Variants in PEX6 observed in about 807,000 individuals in gnomAD.
PEX6 encodes peroxisome biogenesis factor 6.
Under a neutral mutation model 85.6 loss-of-function variants are expected in PEX6, and 55 were observed. That is an observed-to-expected ratio of 0.64 (90% confidence interval 0.52 to 0.80). The LOEUF (loss-of-function observed/expected upper bound fraction) is 0.80, where lower values mean the gene tolerates loss of function less well. PEX6 is among the 30% of genes least tolerant of loss of function. PEX6 has a pLI of 0.00. For missense variants in PEX6, 1,099 were observed against 1,260.3 expected (o/e 0.87, Z 1.94); for synonymous variants, 519 against 549.1 (o/e 0.95, Z 0.77).
In PEX6 at chr6:42,974,058, C is replaced by G. The variant is rs2150234968; in HGVS notation, c.1075G>C (p.Val359Leu). Residue 359 changes from valine to leucine, a missense_variant, in exon 3 of 17, where the codon GTG becomes CTG. Physicochemically the swap from Val to Leu is conservative, Grantham distance 32. Transcript: ENST00000304611. ...ATCTCTACTTGCCCAATTGTTGGCA[C>G]ACATAGAACATCCCCTTCCTGGACT... ...RVVQEGDVLC[V>L]PTIGQVEILE... The G allele has an allele frequency of 6.2e-7, 1 of 1,614,056 alleles. No homozygotes were observed. The highest frequency in any genetic ancestry group is 1.7e-5 in the Admixed American group (1 of 60,020).
In PEX6 at chr6:42,964,045, T is replaced by C. The variant is rs1424581766; in HGVS notation, c.*290A>G. On this transcript the variant is annotated 3_prime_UTR_variant, in exon 17 of 17. Transcript: ENST00000304611. The surrounding 1 kb of genome is among the most constrained non-coding windows in gnomAD (Gnocchi z 4.6). The stretch of plus-strand genomic sequence containing the variant: ...CATGCTTTATTTTCAGCCACAGAAC[T>C]AGCCCTCTCAGGGCCCAATCCCCAG... 2.4e-5 allele frequency: 13 copies of C among 541,026 alleles called. No individual in the cohort carries two copies. In the East Asian group the frequency reaches 3.9e-4, roughly 16 times the overall value. The allele number at this position is 541,026 out of a possible 1,614,324, so 33.5% of individuals were successfully genotyped here.
chr6:42,968,743 C>T, intron 6 of PEX6, 131 bp downstream of exon 6: 1 of 816,640 alleles, frequency 1.2e-6, no homozygotes, highest in Non-Finnish European at 2.1e-6. Flanking sequence ...TGGGAATATG[C>T]CTGACCCACT....
chr6:42,978,960 G>A lies in PEX6; in HGVS notation c.191C>T (p.Thr64Ile). Residue 64 changes from threonine (T) to isoleucine (I), a missense_variant, in exon 1 of 17, where the codon ACC (threonine) becomes ATC (isoleucine). Physicochemically the swap from Thr to Ile is moderately conservative, Grantham distance 89. This residue lies in a region of PEX6 where 579 missense variants were observed against 611.6 expected (regional missense o/e 0.95). Transcript: ENST00000304611. Reference sequence around the variant, plus strand: ...CGGCGGCCCGGGACCCTGCTCTTCGGTGCCCGCGTCCGGCCCCTCCAGGGC... The same window carrying A: ...CGGCGGCCCGGGACCCTGCTCTTCGATGCCCGCGTCCGGCCCCTCCAGGGC... ...VAALEGPDAG[T>I]EEQGPGPPQL... 1 of 1,497,480 alleles carries A rather than the reference G, an allele frequency of 6.7e-7. No homozygotes were observed. The highest frequency in any genetic ancestry group is 8.8e-7 in the Non-Finnish European group (1 of 1,131,944). The allele number at this position is 1,497,480 out of a possible 1,614,324, so 92.8% of individuals were successfully genotyped here.
chr6:42,964,605 A>G lies in PEX6; in HGVS notation c.2807-134T>C, dbSNP rs1581756688. The stretch of plus-strand genomic sequence containing the variant: ...GAATCCAGGACTAGGTTTGTCTCCC[A>G]CTAGTTTTTTTTTTCCCTTAAACAT... On this transcript the variant is annotated intron_variant, in intron 16 of 16. Coordinates refer to ENST00000304611, the MANE Select transcript of PEX6 (RefSeq NM_000287.4). The surrounding 1 kb of genome is among the most constrained non-coding windows in gnomAD (Gnocchi z 4.6). The G allele has an allele frequency of 5.3e-6, 7 of 1,323,952 alleles. No homozygotes were observed. The highest frequency in any genetic ancestry group is 7.4e-6 in the Non-Finnish European group (7 of 943,958). 82.0% of individuals were successfully genotyped at this position (1,323,952 alleles called of 1,614,324 possible).
In PEX6 at chr6:42,966,771, C is replaced by G. The variant is rs778693003; in HGVS notation, c.1961+11G>C. 1.2e-6 allele frequency: 2 copies of G among 1,613,866 alleles called. No homozygotes were observed. The highest frequency in any genetic ancestry group is 1.7e-6 in the Non-Finnish European group (2 of 1,179,976). On this transcript the variant is annotated intron_variant, in intron 9 of 16. Transcript: ENST00000304611. ...CCTCTTTCCGCCTTTCCGGTGCCCA[C>G]GTCCTCTTACCCTGAGTTCTTGATC... is the stretch of plus-strand genomic sequence containing the variant.
In PEX6 at chr6:42,971,755, AG is replaced by A. The variant is rs1246759940; in HGVS notation, c.1131-1769del. Among the ~76,000 whole-genome samples, 1 of 152,244 alleles carries A rather than the reference AG, an allele frequency of 6.6e-6. No individual in the cohort carries two copies. Among genetic ancestry groups the A allele is most frequent in the East Asian group, 1.9e-4 (1 of 5,198 alleles). ...TGTGCTCGGCACTCAGGAGGAAAGCAGGGTTCTACAGAGTTGAGACAATAGA... is the reference window on the plus strand; with the variant it reads ...TGTGCTCGGCACTCAGGAGGAAAGCAGGTTCTACAGAGTTGAGACAATAGA... On this transcript the variant is annotated intron_variant, in intron 3 of 16. Coordinates refer to ENST00000304611, the MANE Select transcript of PEX6 (RefSeq NM_000287.4). The surrounding 1 kb of genome is among the most constrained non-coding windows in gnomAD (Gnocchi z 4.4).
At position 42,965,551 on chromosome 6, in the gene PEX6, G is replaced by T; in HGVS notation, c.2471+130C>A. On this transcript the variant is annotated intron_variant, in intron 13 of 16. Coordinates refer to ENST00000304611, the MANE Select transcript of PEX6 (RefSeq NM_000287.4). The surrounding 1 kb of genome is among the most constrained non-coding windows in gnomAD (Gnocchi z 5.0). ...CTGCCCAATTTCATGGCCCCTTTCA[G>T]CTTCCATTATATTATCTCAGAACTG... 1.1e-6 allele frequency: 1 copy of T among 907,876 alleles called. No homozygotes were observed. Among genetic ancestry groups the T allele is most frequent in the Non-Finnish European group, 1.9e-6 (1 of 539,304 alleles). The allele number at this position is 907,876 out of a possible 1,614,324, so 56.2% of individuals were successfully genotyped here. A position where few individuals can be genotyped will look rare whatever the true frequency, so the allele number is the denominator to read the frequency against.
At position 42,966,523 on chromosome 6, in the gene PEX6, AC is replaced by A; in HGVS notation, c.2094+1del. On this transcript the variant is annotated splice_donor_variant, in intron 10 of 16. Coordinates refer to ENST00000304611, the MANE Select transcript of PEX6 (RefSeq NM_000287.4). LOFTEE classifies it high-confidence loss of function. ...TCCCACCTCCAAGGACTTGGTCTCC[AC>A]CTTGGGGGCTCCAACGGCCTGGGAG... 6.2e-7 allele frequency: 1 copy of A among 1,614,050 alleles called. No individual in the cohort carries two copies. The highest frequency in any genetic ancestry group is 8.5e-7 in the Non-Finnish European group (1 of 1,179,996).
In PEX6 at chr6:42,965,072, T is replaced by A; in HGVS notation, c.2666+3A>T. On this transcript the variant is annotated splice_donor_region_variant and intron_variant, in intron 15 of 16. Transcript: ENST00000304611. This position sits in a 1 kb window ranked among gnomAD's most constrained non-coding sequence, Gnocchi z 5.0. ...TTCGCAGTCTTCCTCTAACAGAGCA[T>A]ACTTGCGTGTGATGGCACTTAGAAC... The A allele has an allele frequency of 3.7e-6, 6 of 1,614,108 alleles. No individual in the cohort carries two copies. The highest frequency in any genetic ancestry group is 5.1e-6 in the Non-Finnish European group (6 of 1,179,928).
intron 8 of PEX6, 94 bp from the exon 9 acceptor site, chr6:42,966,952 T>A: frequency 1.3e-6 from 1 of 799,414 alleles, no homozygotes; most frequent in South Asian, 1.4e-5. Context: ...CCTCTGTTGA[T>A]GCCTTAGGTT....
In PEX6 at chr6:42,978,362, T is replaced by C; in HGVS notation, c.789A>G (p.Gly263=). ...GCGCCAGTCCGTCAGCGAGGGGCTC[T>C]CCCAGCGGTCCAGAGCCGGGTCCCA... ...DRLGPGSGPL[G]EPLADGLALV... is the part of the protein sequence containing the mutation. The change falls in exon 1 of 17, where the codon GGA becomes GGG. Residue 263 remains glycine (G), a synonymous_variant. Coordinates refer to ENST00000304611, the MANE Select transcript of PEX6 (RefSeq NM_000287.4). 6.2e-7 allele frequency: 1 copy of C among 1,614,182 alleles called. No individual in the cohort carries two copies. The highest frequency in any genetic ancestry group is 8.5e-7 in the Non-Finnish European group (1 of 1,180,026).
chr6:42,974,644 G>A (rs1243455021), intron 2 of PEX6, among the ~76,000 whole-genome samples: 1 of 151,144 alleles, frequency 6.6e-6, no homozygotes, highest in Non-Finnish European at 1.5e-5. Flanking sequence ...TGTATTTTTA[G>A]TAGAGACGGG....
In PEX6 at chr6:42,964,157, C is replaced by G; in HGVS notation, c.*178G>C. On this transcript the variant is annotated 3_prime_UTR_variant, in exon 17 of 17. Transcript: ENST00000304611. The surrounding 1 kb of genome is among the most constrained non-coding windows in gnomAD (Gnocchi z 4.6). ...GGAGGGGCAAGTAGGCAGGAGATATCTCTTGAGCTGTTGCTGCTGTCTCAA... is the reference window on the plus strand; with the variant it reads ...GGAGGGGCAAGTAGGCAGGAGATATGTCTTGAGCTGTTGCTGCTGTCTCAA... The G allele has an allele frequency of 4.5e-6, 3 of 661,504 alleles. No homozygotes were observed. Among genetic ancestry groups the G allele is most frequent in the South Asian group, 3.6e-5 (2 of 54,914 alleles). 41.0% of individuals were successfully genotyped at this position (661,504 alleles called of 1,614,324 possible).
Position 42,969,688 on chromosome 6 carries a change from C to T in PEX6, c.1347G>A (p.Leu449=). Residue 449 remains leucine (L), a synonymous_variant, in exon 5 of 17, where the codon CTG becomes CTA. Transcript: ENST00000304611. ...CTCACCCTGGCTGGAGGCGAGGCTT[C>T]AGGACAGCACAGAGTTCAGACACCA... The part of the protein sequence containing the change: ...EALVSELCAV[L]KPRLQPGGAL... 4.3e-6 allele frequency: 7 copies of T among 1,612,986 alleles called. No individual in the cohort carries two copies. The highest frequency in any genetic ancestry group is 5.1e-6 in the Non-Finnish European group (6 of 1,180,010).
intron 5 of PEX6, among the ~76,000 whole-genome samples, 190 bp downstream of exon 5, chr6:42,969,478 G>A (rs1216749085): frequency 6.6e-6 from 1 of 152,190 alleles, no homozygotes; most frequent in East Asian, 1.9e-4. Context: ...GGTTATCCCA[G>A]GAAAGGAGCC....
At position 42,974,894 on chromosome 6, in the gene PEX6, G is replaced by T; in HGVS notation, c.1027C>A (p.Arg343=). 1.9e-6 allele frequency: 3 copies of T among 1,613,980 alleles called. No homozygotes were observed. The highest frequency in any genetic ancestry group is 2.5e-6 in the Non-Finnish European group (3 of 1,179,934). Residue 343 remains arginine (R), a synonymous_variant, in exon 2 of 17, where the codon CGG becomes AGG. Transcript: ENST00000304611. ...GCTAACCTGGGTATCTGAAAGTGCC[G>T]GTAAAGAACACCGTCATAATTTCCA... is the stretch of plus-strand genomic sequence containing the variant. ...TNGNYDGVLY[R]HFQIPRVVQE...
At chr6:42,967,186 C>T (rs1046857855) in intron 8 of PEX6, among the ~76,000 whole-genome samples, 182 bp downstream of exon 8, 2 of 152,194 alleles carry the variant, frequency 1.3e-5, no homozygotes, top group African/African-American at 4.8e-5. Flanking sequence ...CCAGGCTGGT[C>T]TCAAACTCCC....
intron 6 of PEX6, 70 bp from the exon 7 acceptor site, chr6:42,968,568 G>A (rs991412502): frequency 7.3e-6 from 10 of 1,370,746 alleles, no homozygotes; most frequent in Admixed American, 4.0e-5. Flanking sequence ...ATCAGGGGAG[G>A]AGGAGGTGGA....
At chr6:42,977,842 C>CTT (rs34177781) in intron 1 of PEX6, among the ~76,000 whole-genome samples, 8 of 115,648 alleles carry the variant, frequency 6.9e-5, no homozygotes, top group South Asian at 2.9e-4. Flanking sequence ...AAACATTATG[C>CTT]TTTTTTTTTT....
Sources: gnomAD v4.1 joint callset for allele counts (sites outside exome capture counted in the v4.1 genomes callset) on GRCh38, gnomAD v4.1.1 for gene constraint, gnomAD v4.1.1 regional missense constraint, Gnocchi (gnomAD v3.1) non-coding constraint, MANE v1.5 for transcripts, NCBI Gene and HGNC (gene_info 2026-07-23, HGNC 2026-07-21) for gene names.